The following AGBL1 variants were observed in gnomAD, a reference collection of about 807,000 sequenced individuals.
AGBL1 encodes the protein cytosolic carboxypeptidase 4.
A neutral mutation model predicts 118.9 loss-of-function variants in AGBL1; 130 were observed. The observed-to-expected ratio is 1.09, with a 90% CI of 0.95 to 1.26. The LOEUF (loss-of-function observed/expected upper bound fraction) is 1.26, where lower values mean the gene tolerates loss of function less well. Among genes scored for constraint, AGBL1 ranks in the 50% most tolerant of loss-of-function variants. The pLI is 0.00. For missense variants in AGBL1, 1,584 were observed against 1,298.1 expected, an observed-to-expected ratio of 1.22 and a Z score of -3.38; for synonymous variants, 555 against 478.9, an observed-to-expected ratio of 1.16 and a Z score of -2.08.
At chr15:86,703,963 C>T (rs768652859) in intron 22 of AGBL1, among the ~76,000 whole-genome samples, 6 of 152,070 alleles carry the variant, frequency 3.9e-5, no homozygotes, top group Non-Finnish European at 5.9e-5. Context: ...TGGAATAGAA[C>T]AGAGACCTCA....
chr15:86,645,282 C>T (rs1322272960), intron 21 of AGBL1, among the ~76,000 whole-genome samples: 6 of 152,010 alleles, frequency 3.9e-5, no homozygotes, highest in Non-Finnish European at 8.8e-5. Flanking sequence ...TACATATATA[C>T]TTGTGTGTGT....
At chr15:86,692,027 G>A (rs960097577) in intron 22 of AGBL1, among the ~76,000 whole-genome samples, 1 of 151,834 alleles carries the variant, frequency 6.6e-6, no homozygotes, top group Non-Finnish European at 1.5e-5. Context: ...CTTAATATGA[G>A]GTTTCTTAAG....
At chr15:86,378,667 A>G (rs1054753048) in intron 17 of AGBL1, among the ~76,000 whole-genome samples, 1 of 141,888 alleles carries the variant, frequency 7.0e-6, no homozygotes, top group Admixed American at 7.6e-5. Context: ...AATTTTTACA[A>G]TGCAGTGAGA....
chr15:86,803,466 A>C (rs887378607), intron 22 of AGBL1, among the ~76,000 whole-genome samples: 1 of 152,140 alleles, frequency 6.6e-6, no homozygotes, highest in African/African-American at 2.4e-5. Flanking sequence ...TTATTTCTTT[A>C]TAGCAGTGTG....
intron 18 of AGBL1, among the ~76,000 whole-genome samples, chr15:86,449,283 A>G (rs1234219794): frequency 6.6e-6 from 1 of 152,216 alleles, no homozygotes; most frequent in East Asian, 1.9e-4. Flanking sequence ...ATACCTTAGA[A>G]GGATCAAAGG....
At chr15:86,879,490 G>A (rs2141527139) in intron 22 of AGBL1, among the ~76,000 whole-genome samples, 1 of 152,244 alleles carries the variant, frequency 6.6e-6, no homozygotes, top group East Asian at 1.9e-4. Flanking sequence ...GTCTCCTTCA[G>A]TGAGACATTT....
chr15:86,179,108 C>A (rs1308813152), intron 5 of AGBL1, among the ~76,000 whole-genome samples: 1 of 152,200 alleles, frequency 6.6e-6, no homozygotes, highest in Non-Finnish European at 1.5e-5. Context: ...CATTCCCTCC[C>A]AAGATGGGGC....
intron 18 of AGBL1, among the ~76,000 whole-genome samples, chr15:86,425,374 C>CA (rs2081854419): frequency 6.6e-6 from 1 of 151,556 alleles, no homozygotes; most frequent in Admixed American, 6.6e-5. Flanking sequence ...GAGTATCACA[C>CA]ACCAAGGCCT....
At chr15:86,933,940 T>C (rs2080635547) in intron 23 of AGBL1, among the ~76,000 whole-genome samples, 1 of 152,196 alleles carries the variant, frequency 6.6e-6, no homozygotes, top group Non-Finnish European at 1.5e-5. Context: ...TTATTAAGTT[T>C]CTCCATCTTC....
intron 1 of AGBL1, among the ~76,000 whole-genome samples, chr15:86,117,284 G>T (rs1012103184): frequency 2.0e-5 from 3 of 152,004 alleles, no homozygotes; most frequent in African/African-American, 7.2e-5. Flanking sequence ...AGGAAAATGG[G>T]GAGAAACCGG....
chr15:86,602,997 C>G (rs1159930658), intron 21 of AGBL1, among the ~76,000 whole-genome samples: 2 of 152,092 alleles, frequency 1.3e-5, no homozygotes, highest in Non-Finnish European at 1.5e-5. Flanking sequence ...ACTTGACTTG[C>G]AATTGTAGAT....
At chr15:86,787,297 T>C (rs979132631) in intron 22 of AGBL1, among the ~76,000 whole-genome samples, 9 of 152,188 alleles carry the variant, frequency 5.9e-5, no homozygotes, top group African/African-American at 1.9e-4. Flanking sequence ...CAGTATGCAA[T>C]ACAGTATTAT....
At chr15:86,498,255 A>T (rs1221415512) in intron 18 of AGBL1, among the ~76,000 whole-genome samples, 2 of 151,838 alleles carry the variant, frequency 1.3e-5, no homozygotes, top group Non-Finnish European at 2.9e-5. Flanking sequence ...TATCTCCTTC[A>T]CATATTTATG....
intron 3 of AGBL1, among the ~76,000 whole-genome samples, chr15:86,148,231 G>A (rs1401784993): frequency 1.3e-5 from 2 of 152,170 alleles, no homozygotes; most frequent in Non-Finnish European, 2.9e-5. Flanking sequence ...CTCTTCCAAA[G>A]GATTGCAGCT....
At chr15:86,524,612 C>G (rs1342437118) in intron 19 of AGBL1, among the ~76,000 whole-genome samples, 1 of 152,190 alleles carries the variant, frequency 6.6e-6, no homozygotes, top group Non-Finnish European at 1.5e-5. Context: ...TCTCCCATCT[C>G]TCCAGAGGTC....
At chr15:86,247,131 T>C (rs2078733628) in intron 6 of AGBL1, among the ~76,000 whole-genome samples, 1 of 152,250 alleles carries the variant, frequency 6.6e-6, no homozygotes, top group South Asian at 2.1e-4. Flanking sequence ...TTAGTATAAC[T>C]ATTAGATCTA....
intron 22 of AGBL1, among the ~76,000 whole-genome samples, chr15:86,779,789 A>G (rs1596473959): frequency 2.0e-5 from 3 of 151,924 alleles, no homozygotes; most frequent in African/African-American, 7.3e-5. Flanking sequence ...AGAGTATTTT[A>G]TTTTTATATT....
chr15:86,579,755 T>C (rs2084148354), intron 21 of AGBL1, among the ~76,000 whole-genome samples: 1 of 152,148 alleles, frequency 6.6e-6, no homozygotes, highest in African/African-American at 2.4e-5. Flanking sequence ...CAGAAGGCTT[T>C]TGTGAAGCCC....
intron 18 of AGBL1, among the ~76,000 whole-genome samples, chr15:86,419,584 A>G (rs1031921346): frequency 2.0e-5 from 3 of 151,014 alleles, no homozygotes; most frequent in African/African-American, 4.9e-5. Context: ...TTTTCATACC[A>G]AAGTGGTGCA....
Sources: allele counts gnomAD v4.1 joint callset (sites outside exome capture counted in the v4.1 genomes callset), GRCh38; gene constraint gnomAD v4.1.1; transcripts MANE v1.5; gene names NCBI Gene and HGNC (gene_info 2026-07-23, HGNC 2026-07-21).